Variants in GRIP1 observed in about 807,000 individuals in gnomAD.
The protein encoded by GRIP1 is glutamate receptor-interacting protein 1.
GRIP1 carries 45 observed loss-of-function variants against 129.9 expected under a neutral mutation model. The ratio of observed to expected loss-of-function variants is 0.35; its 90% CI spans 0.27 to 0.44. The LOEUF (loss-of-function observed/expected upper bound fraction) is 0.44, where lower values mean the gene tolerates loss of function less well. Among genes scored for constraint, GRIP1 ranks in the 20% least tolerant of loss-of-function variants. The pLI, the probability that GRIP1 is intolerant of heterozygous loss-of-function variation, is 1.00. For synonymous variants in GRIP1, 530 were observed against 520.8 expected, an observed-to-expected ratio of 1.02 and a Z score of -0.24; for missense variants, 1,196 against 1,396.8, an observed-to-expected ratio of 0.86 and a Z score of 2.29.
chr12:66,812,395 G>A (rs1324645251), intron 1 of GRIP1, among the ~76,000 whole-genome samples: 4 of 152,134 alleles, frequency 2.6e-5, no homozygotes, highest in Admixed American at 6.5e-5. Context: ...TCGGCCTCCC[G>A]AAGTGCTGGG....
At chr12:66,696,263 C>T (rs1488331787) in intron 1 of GRIP1, among the ~76,000 whole-genome samples, 1 of 152,138 alleles carries the variant, frequency 6.6e-6, no homozygotes, top group Non-Finnish European at 1.5e-5. Flanking sequence ...TCATTTCTCT[C>T]AATCTACAGA....
intron 1 of GRIP1, among the ~76,000 whole-genome samples, chr12:66,706,888 G>A (rs180846559): frequency 1.3e-4 from 19 of 151,836 alleles, no homozygotes; most frequent in African/African-American, 4.3e-4. Context: ...TGAGGGGAGG[G>A]AACTTGGAGG....
intron 4 of GRIP1, among the ~76,000 whole-genome samples, chr12:66,531,128 T>C (rs927759330): frequency 2.0e-5 from 3 of 150,510 alleles, no homozygotes; most frequent in Admixed American, 1.3e-4. Context: ...CCAGCTACTT[T>C]GGAGGCTGAG....
intron 7 of GRIP1, among the ~76,000 whole-genome samples, chr12:66,476,426 C>A (rs1167269734): frequency 2.6e-5 from 4 of 152,160 alleles, no homozygotes; most frequent in Non-Finnish European, 5.9e-5. Flanking sequence ...CAGCCGAATT[C>A]TACCAGAGGT....
chr12:66,832,212 C>A (rs1047662433), intron 1 of GRIP1, among the ~76,000 whole-genome samples: 1 of 152,142 alleles, frequency 6.6e-6, no homozygotes, highest in East Asian at 1.9e-4. Context: ...GAAATTCTTA[C>A]CTTAGTTTGC....
At position 66,495,842 on chromosome 12, in the gene GRIP1, TC is replaced by T. The variant is rs544888628; in HGVS notation, c.724+19776del. 2.4e-4 allele frequency among the ~76,000 whole-genome samples: 36 copies of T among 152,236 alleles called. 1 individual carries two copies. The highest frequency in any genetic ancestry group is 6.3e-4 in the African/African-American group (26 of 41,556). On this transcript the variant is annotated intron_variant, in intron 7 of 24. Coordinates refer to ENST00000359742, the MANE Select transcript of GRIP1 (RefSeq NM_001366722.1). Reference sequence around the variant, plus strand: ...GAAATCCCTTCTGAGAAGTCAGAGGTCCCAGAGTTACACAAAGCCGTTCCCG... The same window carrying T: ...GAAATCCCTTCTGAGAAGTCAGAGGTCCAGAGTTACACAAAGCCGTTCCCG...
At chr12:66,428,699 A>G (rs2058059209) in intron 14 of GRIP1, among the ~76,000 whole-genome samples, 1 of 152,182 alleles carries the variant, frequency 6.6e-6, no homozygotes, top group Non-Finnish European at 1.5e-5. Context: ...TCTTTGTAAA[A>G]TGGAGATAGA....
chr12:66,963,819 T>A (rs1484082548), intron 1 of GRIP1, among the ~76,000 whole-genome samples: 1 of 152,292 alleles, frequency 6.6e-6, no homozygotes. Flanking sequence ...TTGATTTGGA[T>A]GTCATTCTGC....
chr12:66,418,685 A>C (rs6581685), intron 15 of GRIP1, among the ~76,000 whole-genome samples: 141,357 of 152,142 alleles, frequency 0.93, 66,325 homozygotes, highest in Non-Finnish European at 1. Flanking sequence ...AACAGGCATA[A>C]GAAAAGATGC....
In GRIP1 at chr12:66,436,703, C is replaced by T. The variant is rs552084615; in HGVS notation, c.1688-4075G>A. ...TATATTTAAAGAGACAGATTTGGGG[C>T]CAGGCGCAGTGGCTCACACCTGTAA... On this transcript the variant is annotated intron_variant, in intron 13 of 24. Coordinates refer to ENST00000359742, the MANE Select transcript of GRIP1 (RefSeq NM_001366722.1). 3.9e-5 allele frequency among the ~76,000 whole-genome samples: 6 copies of T among 152,136 alleles called. No homozygotes were observed. The East Asian group carries it at 7.7e-4, about 20-fold the overall frequency.
intron 1 of GRIP1, among the ~76,000 whole-genome samples, chr12:66,889,322 G>C (rs1042986722): frequency 1.3e-5 from 2 of 152,110 alleles, no homozygotes; most frequent in African/African-American, 4.8e-5. Flanking sequence ...TTAGCCAGGC[G>C]TGGTGGCAGG....
At chr12:66,718,876 A>G (rs974317401) in intron 1 of GRIP1, among the ~76,000 whole-genome samples, 8 of 151,990 alleles carry the variant, frequency 5.3e-5, no homozygotes, top group Admixed American at 2.6e-4. Flanking sequence ...AAATAAATAT[A>G]AATAAATATT....
chr12:66,505,237 T>C (rs984625958), intron 7 of GRIP1, among the ~76,000 whole-genome samples: 9 of 152,124 alleles, frequency 5.9e-5, no homozygotes, highest in African/African-American at 1.7e-4. Flanking sequence ...GTCAGAGATA[T>C]ATGAAATACG....
At chr12:67,046,373 G>A (rs543024966) in intron 1 of GRIP1, among the ~76,000 whole-genome samples, 4 of 152,182 alleles carry the variant, frequency 2.6e-5, no homozygotes, top group South Asian at 2.1e-4. Flanking sequence ...CCTAATTCAC[G>A]GCGATTCCCT....
intron 1 of GRIP1, among the ~76,000 whole-genome samples, chr12:66,845,176 T>A (rs1297347632): frequency 6.6e-6 from 1 of 152,128 alleles, no homozygotes; most frequent in South Asian, 2.1e-4. Context: ...CAATATAGGG[T>A]CTGGGCATGG....
chr12:66,557,167 G>C (rs542717124), intron 2 of GRIP1, among the ~76,000 whole-genome samples: 1 of 151,894 alleles, frequency 6.6e-6, no homozygotes, highest in African/African-American at 2.4e-5. Context: ...CAAAAGGGCA[G>C]AAGTAGCTAT....
intron 1 of GRIP1, among the ~76,000 whole-genome samples, chr12:66,818,530 T>C (rs1204550719): frequency 2.0e-5 from 3 of 152,214 alleles, no homozygotes; most frequent in Non-Finnish European, 2.9e-5. Context: ...ATTGAAAAAG[T>C]AGCTAATTCA....
Position 66,597,012 on chromosome 12 carries a change from C to T in GRIP1, c.56-85G>A, listed in dbSNP as rs760951749. ...TTTTTAACGGATTGCAATCCTTCTG[C>T]GAGAGAGAAGTGGTACAGTACAGTG... is the stretch of plus-strand genomic sequence containing the variant. On this transcript the variant is annotated intron_variant, in intron 1 of 24. Transcript: ENST00000359742. The T allele has an allele frequency of 5.2e-5, 48 of 931,136 alleles. No homozygotes were observed. In the Middle Eastern group the frequency reaches 8.4e-4, roughly 16 times the overall value. The allele number at this position is 931,136 out of a possible 1,614,324, so 57.7% of individuals were successfully genotyped here.
At chr12:66,444,781 G>A (rs1467902770) in intron 12 of GRIP1, 52 bp from the exon 13 acceptor site, 2 of 1,588,080 alleles carry the variant, frequency 1.3e-6, no homozygotes, top group East Asian at 4.5e-5. Context: ...TAATTACCAA[G>A]CTGAGCTTGC....
Sources: gnomAD v4.1 joint callset for allele counts (sites outside exome capture counted in the v4.1 genomes callset) on GRCh38, gnomAD v4.1.1 for gene constraint, MANE v1.5 for transcripts, NCBI Gene and HGNC (gene_info 2026-07-23, HGNC 2026-07-21) for gene names.